The following PGS1 variants were observed in gnomAD, a reference collection of about 807,000 sequenced individuals.
The protein encoded by PGS1 is phosphatidylglycerophosphate synthase 1, also known as CDP-diacylglycerol--glycerol-3-phosphate 3-phosphatidyltransferase, mitochondrial.
Under a neutral mutation model 58.3 loss-of-function variants are expected in PGS1, and 44 were observed. The observed-to-expected ratio is 0.75, with a 90% CI of 0.59 to 0.97. The LOEUF is 0.97. Among genes scored for constraint, PGS1 ranks in the 50% least tolerant of loss-of-function variants. The pLI, the probability that PGS1 is intolerant of heterozygous loss-of-function variation, is 0.00. For missense variants in PGS1, 684 were observed against 731.1 expected, an observed-to-expected ratio of 0.94 and a Z score of 0.74; for synonymous variants, 330 against 311.0, an observed-to-expected ratio of 1.06 and a Z score of -0.64.
In PGS1 at chr17:78,415,065, G is replaced by GC. The variant is rs770167077; in HGVS notation, c.1551+38_1551+39insC. ...AAGTGGGATTTCCCAGGGCGCTGAG[G>GC]GTGTGGCTGGGGGCCCAGGCTCACC... On this transcript the variant is annotated intron_variant, in intron 8 of 9. Transcript: ENST00000262764. 4.5e-6 allele frequency: 7 copies of GC among 1,541,018 alleles called. No individual in the cohort carries two copies. In the East Asian group the frequency reaches 9.9e-5, roughly 22 times the overall value.
At chr17:78,415,817 GACC>G (rs2085134039) in intron 8 of PGS1, among the ~76,000 whole-genome samples, 2 of 152,224 alleles carry the variant, frequency 1.3e-5, no homozygotes, top group South Asian at 2.1e-4. Flanking sequence ...TTTTGTCTGA[GACC>G]TCGATGGTGC....
intron 9 of PGS1, among the ~76,000 whole-genome samples, chr17:78,422,576 C>T (rs543942720): frequency 7.3e-4 from 93 of 126,648 alleles, no homozygotes; most frequent in African/African-American, 2.3e-3. Context: ...TGCCTCGCTG[C>T]GTACTTGACC....
chr17:78,417,968 C>T (rs528444428), intron 8 of PGS1, among the ~76,000 whole-genome samples: 9 of 147,682 alleles, frequency 6.1e-5, no homozygotes, highest in East Asian at 4.0e-4. Flanking sequence ...CTTGTTCTGT[C>T]GCCCAGGCTG....
chr17:78,392,696 G>GT (rs2082915040), intron 2 of PGS1, 31 bp downstream of exon 2: 1 of 1,590,034 alleles, frequency 6.3e-7, no homozygotes, highest in African/African-American at 1.3e-5. Flanking sequence ...AGAAGTTTGA[G>GT]TTAGAGCTTT....
intron 8 of PGS1, among the ~76,000 whole-genome samples, chr17:78,418,404 A>G (rs2085391106): frequency 6.6e-6 from 1 of 152,210 alleles, no homozygotes; most frequent in Non-Finnish European, 1.5e-5. Flanking sequence ...AGCTTTAAGC[A>G]TCAGATGACG....
chr17:78,394,128 C>T lies in PGS1; in HGVS notation c.333+1463C>T, dbSNP rs573358057. Among the ~76,000 whole-genome samples the T allele has an allele frequency of 4.2e-4, 59 of 138,922 alleles. 1 individual carries two copies. Among genetic ancestry groups the T allele is most frequent in the Admixed American group, 2.2e-3 (28 of 12,912 alleles). The allele number at this position is 138,922 out of a possible 152,430, so 91.1% of individuals were successfully genotyped here. A position where few individuals can be genotyped will look rare whatever the true frequency, so the allele number is the denominator to read the frequency against. On this transcript the variant is annotated intron_variant, in intron 2 of 9. Coordinates refer to ENST00000262764, the MANE Select transcript of PGS1 (RefSeq NM_024419.5). ...TGGAGGTTGCAGTAAGCCAAGATCG[C>T]GCCATTGCACTCCAGCCTGGGCAAC...
chr17:78,389,770 C>T (rs924108611), intron 1 of PGS1, among the ~76,000 whole-genome samples: 1 of 151,854 alleles, frequency 6.6e-6, no homozygotes, highest in African/African-American at 2.4e-5. Flanking sequence ...TGTACCACCA[C>T]ACCCAACTAA....
At chr17:78,391,014 C>G (rs2146124662) in intron 1 of PGS1, among the ~76,000 whole-genome samples, 1 of 152,012 alleles carries the variant, frequency 6.6e-6, no homozygotes, top group South Asian at 2.1e-4. Context: ...CATCTCAGCT[C>G]ACTGCAATCT....
intron 7 of PGS1, among the ~76,000 whole-genome samples, chr17:78,408,659 C>T (rs1055578572): frequency 3.3e-5 from 5 of 152,144 alleles, no homozygotes; most frequent in South Asian, 4.1e-4. Flanking sequence ...AGTTCTGTTG[C>T]GCTGATTCGG....
At chr17:78,413,300 A>G (rs1465108520) in intron 7 of PGS1, among the ~76,000 whole-genome samples, 2 of 152,166 alleles carry the variant, frequency 1.3e-5, no homozygotes, top group African/African-American at 2.4e-5. Flanking sequence ...AGCCTGGTGT[A>G]TGTTACATAC....
chr17:78,421,281 T>A (rs556145693), intron 9 of PGS1: 1 of 152,290 alleles, frequency 6.6e-6, no homozygotes, highest in South Asian at 2.1e-4. Context: ...AGAGAGAAGC[T>A]TCCTGGGCTA....
chr17:78,404,219 C>G, intron 7 of PGS1, 130 bp downstream of exon 7: 3 of 980,040 alleles, frequency 3.1e-6, no homozygotes, highest in Non-Finnish European at 4.4e-6. Context: ...GCAGCCCTTG[C>G]AGGCACATCA....
At chr17:78,390,062 T>TCCCCCTCCCCCCCCCCCCCCCCCCCGCC (rs1555628316) in intron 1 of PGS1, among the ~76,000 whole-genome samples, 1 of 128,606 alleles carries the variant, frequency 7.8e-6, no homozygotes, top group Non-Finnish European at 1.7e-5. Flanking sequence ...TGTTGCCTGT[T>TCCCCCTCCCCCCCCCCCCCCCCCCCGCC]CCCCCGCCCC....
At chr17:78,403,015 C>G (rs971502803) in intron 6 of PGS1, among the ~76,000 whole-genome samples, 1 of 152,314 alleles carries the variant, frequency 6.6e-6, no homozygotes, top group South Asian at 2.1e-4. Context: ...GGGAAGCTTT[C>G]CCACATGGTG....
chr17:78,383,122 T>C (rs1404017744), intron 1 of PGS1, among the ~76,000 whole-genome samples: 1 of 152,248 alleles, frequency 6.6e-6, no homozygotes, highest in African/African-American at 2.4e-5. Context: ...CATCTTTATG[T>C]TTGAAACTTT....
chr17:78,419,451 TG>T, intron 8 of PGS1, 94 bp from the exon 9 acceptor site: 1 of 1,100,248 alleles, frequency 9.1e-7, no homozygotes, highest in Non-Finnish European at 1.4e-6. Context: ...CAGGGTTTTC[TG>T]GGCTGGCCTG....
Position 78,399,445 on chromosome 17 carries a change from G to A in PGS1, c.609G>A (p.Leu203=), listed in dbSNP as rs1212900100. The part of the protein sequence containing the change: ...SLFHTPHLRG[L]LRLLIPERFN... ...TTCACACGCCGCACCTCCGTGGGCTGCTTCGGCTCCTCATCCCTGAGCGCT... is the reference window on the plus strand; with the variant it reads ...TTCACACGCCGCACCTCCGTGGGCTACTTCGGCTCCTCATCCCTGAGCGCT... The change falls in exon 5 of 10, where the codon CTG becomes CTA. Residue 203 remains leucine (L), a synonymous_variant. Coordinates refer to ENST00000262764, the MANE Select transcript of PGS1 (RefSeq NM_024419.5). The A allele has an allele frequency of 2.5e-6, 4 of 1,614,158 alleles. No homozygotes were observed. Among genetic ancestry groups the A allele is most frequent in the Non-Finnish European group, 3.4e-6 (4 of 1,180,028 alleles).
rs181603577 is a variant in PGS1, at chr17:78,411,833, G to C, written c.1403-3046G>C. ...GCCTGACATCCTGACTGGTGGTGCG[G>C]GTCTGACCGGAGCTCCAGACCGCTC... is the stretch of plus-strand genomic sequence containing the variant. On this transcript the variant is annotated intron_variant, in intron 7 of 9. Transcript: ENST00000262764. Among the ~76,000 whole-genome samples, 449 of 151,534 alleles carry C rather than the reference G, an allele frequency of 3.0e-3. 3 individuals carry two copies. The highest frequency in any genetic ancestry group is 0.01 in the African/African-American group (416 of 41,338).
chr17:78,397,197 C>T (rs1285480208), intron 3 of PGS1, among the ~76,000 whole-genome samples: 2 of 137,770 alleles, frequency 1.5e-5, no homozygotes, highest in Non-Finnish European at 3.2e-5. Context: ...TGGTGCATGG[C>T]GGGATCTGAG....
Sources: gnomAD v4.1 joint callset for allele counts (sites outside exome capture counted in the v4.1 genomes callset) on GRCh38, gnomAD v4.1.1 for gene constraint, MANE v1.5 for transcripts, NCBI Gene and HGNC (gene_info 2026-07-23, HGNC 2026-07-21) for gene names.